The following FAM135B variants were observed in gnomAD, a reference collection of about 807,000 sequenced individuals.
FAM135B encodes family with sequence similarity 135 member B.
A neutral mutation model predicts 127.7 loss-of-function variants in FAM135B; 43 were observed. That is an observed-to-expected ratio of 0.34 (90% CI 0.26 to 0.43). The LOEUF (loss-of-function observed/expected upper bound fraction) is 0.43. FAM135B is among the 20% of genes least tolerant of loss of function. FAM135B has a pLI of 1.00. For missense variants in FAM135B, 1,558 were observed against 1,725.6 expected (o/e 0.90, Z 1.72); for synonymous variants, 670 against 665.1 (o/e 1.01, Z -0.11).
intron 2 of FAM135B, among the ~76,000 whole-genome samples, chr8:138,335,815 AC>A (rs1382620158): frequency 6.6e-6 from 1 of 152,218 alleles, no homozygotes; most frequent in African/African-American, 2.4e-5. Context: ...TCTTCTCAGC[AC>A]CACACCACAC....
intron 1 of FAM135B, among the ~76,000 whole-genome samples, chr8:138,426,134 G>C (rs200300437): frequency 8.9e-6 from 1 of 111,952 alleles, no homozygotes; most frequent in Non-Finnish European, 2.1e-5. Flanking sequence ...GTGTGTGTGT[G>C]TGTGTATATA....
At chr8:138,445,065 A>C (rs915826944) in intron 1 of FAM135B, among the ~76,000 whole-genome samples, 121 of 152,300 alleles carry the variant, frequency 7.9e-4, no homozygotes, top group East Asian at 7.2e-3. Context: ...GAAATGGATA[A>C]ATTCCTCGAC....
At chr8:138,259,129 A>C (rs1586905968) in intron 4 of FAM135B, among the ~76,000 whole-genome samples, 1 of 152,316 alleles carries the variant, frequency 6.6e-6, no homozygotes, top group East Asian at 1.9e-4. Flanking sequence ...TCAGCTAGTG[A>C]GAGTCCCACA....
At chr8:138,238,162 C>T (rs918230317) in intron 7 of FAM135B, among the ~76,000 whole-genome samples, 1 of 152,190 alleles carries the variant, frequency 6.6e-6, no homozygotes, top group Non-Finnish European at 1.5e-5. Context: ...TGTCTCACCA[C>T]AAGGCTGCAT....
At chr8:138,346,080 T>TTTC (rs1829390171) in intron 2 of FAM135B, among the ~76,000 whole-genome samples, 2 of 152,106 alleles carry the variant, frequency 1.3e-5, no homozygotes, top group African/African-American at 2.4e-5. Context: ...ATTAGAGAAA[T>TTTC]GCAAATCAAA....
Position 138,487,090 on chromosome 8 carries a change from TTACTC to T in FAM135B, c.-20+9576_-20+9580del, listed in dbSNP as rs774674152. Among the ~76,000 whole-genome samples, 6 of 152,156 alleles carry T rather than the reference TTACTC, an allele frequency of 3.9e-5. No individual in the cohort carries two copies. In the South Asian group the frequency reaches 6.2e-4, roughly 16 times the overall value. On this transcript the variant is annotated intron_variant, in intron 1 of 19. Transcript: ENST00000395297. ...TCCCTCTCAAAATGGTACAAGTTGA[TTACTC>T]TAATCAGAACTTGGATTCAAACCAA...
chr8:138,282,112 A>C (rs895253448), intron 3 of FAM135B, among the ~76,000 whole-genome samples: 5 of 152,220 alleles, frequency 3.3e-5, no homozygotes, highest in Non-Finnish European at 5.9e-5. Flanking sequence ...TCTAAAACAG[A>C]TTTTTCCTCT....
intron 3 of FAM135B, among the ~76,000 whole-genome samples, chr8:138,267,616 T>C (rs1214003915): frequency 6.7e-6 from 1 of 149,084 alleles, no homozygotes; most frequent in African/African-American, 2.5e-5. Context: ...AAATCCTAAG[T>C]ACCTTGTACA....
At chr8:138,483,494 G>GT (rs1164308383) in intron 1 of FAM135B, among the ~76,000 whole-genome samples, 1 of 152,218 alleles carries the variant, frequency 6.6e-6, no homozygotes, top group Non-Finnish European at 1.5e-5. Flanking sequence ...GGCAACTGAG[G>GT]TGAATCTGAA....
intron 7 of FAM135B, among the ~76,000 whole-genome samples, chr8:138,220,761 A>G (rs1177037337): frequency 1.3e-5 from 2 of 152,146 alleles, no homozygotes; most frequent in African/African-American, 4.8e-5. Flanking sequence ...GCCAGTGTAA[A>G]TTTCATCTCA....
At chr8:138,227,081 G>T (rs2130143113) in intron 7 of FAM135B, among the ~76,000 whole-genome samples, 1 of 152,314 alleles carries the variant, frequency 6.6e-6, no homozygotes, top group African/African-American at 2.4e-5. Flanking sequence ...GGAAAGATAT[G>T]TTCTTTTCCA....
chr8:138,133,870 G>T (rs1267608384), intron 19 of FAM135B, among the ~76,000 whole-genome samples: 1 of 152,262 alleles, frequency 6.6e-6, no homozygotes, highest in South Asian at 2.1e-4. Context: ...GTATTTGGGG[G>T]TGTTTCTTTT....
rs1014165968 is a variant in FAM135B at position 138,174,493 on chromosome 8, T to C, written c.1103+2854A>G. Among the ~76,000 whole-genome samples, 5 of 152,212 alleles carry C rather than the reference T, an allele frequency of 3.3e-5. 1 individual carries two copies. The South Asian group carries it at 1.0e-3, about 32-fold the overall frequency. On this transcript the variant is annotated intron_variant, in intron 11 of 19. Transcript: ENST00000395297. ...TTCACAGCACTTTGTACCTTTTCTCTAGCAATCTTCTCAGTCTGAAATGAA... is the reference window on the plus strand; with the variant it reads ...TTCACAGCACTTTGTACCTTTTCTCCAGCAATCTTCTCAGTCTGAAATGAA...
chr8:138,177,335 A>G lies in FAM135B; in HGVS notation c.1103+12T>C, dbSNP rs1814570275. ...CTTTTAGGGATGAAGTGGGCATGCA[A>G]TGGATACTTACAGATTCTCCTGAAA... On this transcript the variant is annotated intron_variant, in intron 11 of 19. Coordinates refer to ENST00000395297, the MANE Select transcript of FAM135B (RefSeq NM_015912.4). 6.2e-7 allele frequency: 1 copy of G among 1,612,444 alleles called. No homozygotes were observed. The highest frequency in any genetic ancestry group is 1.7e-5 in the Admixed American group (1 of 59,938).
At chr8:138,319,044 A>G (rs1305637796) in intron 2 of FAM135B, among the ~76,000 whole-genome samples, 5 of 151,978 alleles carry the variant, frequency 3.3e-5, no homozygotes, top group Non-Finnish European at 7.3e-5. Flanking sequence ...TTTAGTGATA[A>G]AGATTTGTGC....
intron 3 of FAM135B, among the ~76,000 whole-genome samples, chr8:138,295,500 TA>T (rs757513925): frequency 6.3e-4 from 96 of 152,280 alleles, no homozygotes; most frequent in Middle Eastern, 3.4e-3. Flanking sequence ...AGGAACTGGA[TA>T]TTTTTTACAC....
chr8:138,186,271 A>G (rs192477044), intron 9 of FAM135B, among the ~76,000 whole-genome samples: 371 of 152,292 alleles, frequency 2.4e-3, no homozygotes, highest in Admixed American at 6.5e-3. Flanking sequence ...CCTGCTTGGT[A>G]TCTTCCATCT....
In FAM135B at chr8:138,224,222, A is replaced by G. The variant is rs561797345; in HGVS notation, c.669+18720T>C. On this transcript the variant is annotated intron_variant, in intron 7 of 19. Transcript: ENST00000395297. ...AAAAATAAAAAAGCTAAAGCTAGGG[A>G]AATACCACGGTTGAAGAACATTGAT... Among the ~76,000 whole-genome samples, 3 of 152,336 alleles carry G rather than the reference A, an allele frequency of 2.0e-5. No individual in the cohort carries two copies. The East Asian group carries it at 5.8e-4, about 29-fold the overall frequency.
intron 6 of FAM135B, among the ~76,000 whole-genome samples, chr8:138,250,367 A>C (rs1821607468): frequency 6.6e-6 from 1 of 152,152 alleles, no homozygotes; most frequent in African/African-American, 2.4e-5. Flanking sequence ...TAAGTAAATA[A>C]ACAAACAAAC....
Sources: gnomAD v4.1 joint callset for allele counts (sites outside exome capture counted in the v4.1 genomes callset) on GRCh38, gnomAD v4.1.1 for gene constraint, MANE v1.5 for transcripts, NCBI Gene and HGNC (gene_info 2026-07-23, HGNC 2026-07-21) for gene names.